The following CLIP3 variants were observed in gnomAD, a reference collection of about 807,000 sequenced individuals.
CLIP3 encodes CAP-Gly domain containing linker protein 3.
Under a neutral mutation model 59.4 loss-of-function variants are expected in CLIP3, and 15 were observed. The observed-to-expected ratio is 0.25, with a 90% CI of 0.17 to 0.39. The LOEUF is 0.39. CLIP3 is among the 10% of genes least tolerant of loss of function. The probability of loss-of-function intolerance (pLI) is 1.00; values close to 1 mark genes in which losing one functional copy is unlikely to be tolerated. For synonymous variants in CLIP3, 300 were observed against 321.6 expected (o/e 0.93, Z 0.72); for missense variants, 495 against 765.7 (o/e 0.65, Z 4.17).
chr19:36,029,314 A>G (rs1037371982), intron 2 of CLIP3, among the ~76,000 whole-genome samples: 4 of 151,186 alleles, frequency 2.6e-5, no homozygotes, highest in African/African-American at 9.7e-5. Context: ...CTCAAAAAAA[A>G]AAAAAAAAAT....
chr19:36,027,244 G>T lies in CLIP3; in HGVS notation c.194C>A (p.Pro65Gln). ...YAFTFFDPND[P>Q]ACQEILFDPQ... is the part of the protein sequence containing the mutation. ...GTCAAACAGGATCTCCTGGCACGCC[G>T]GGTCATTGGGATCGAAGAAGGTGAA... The change falls in exon 3 of 14, where the codon CCG (proline) becomes CAG (glutamine). Residue 65 changes from proline to glutamine, a missense_variant. Physicochemically the swap from Pro to Gln is moderately conservative, Grantham distance 76. Transcript: ENST00000360535. 1 of 1,610,554 alleles carries T rather than the reference G, an allele frequency of 6.2e-7. No homozygotes were observed. Among genetic ancestry groups the T allele is most frequent in the Non-Finnish European group, 8.5e-7 (1 of 1,178,362 alleles).
chr19:36,026,903 T>A lies in CLIP3; in HGVS notation c.400+49A>T. On this transcript the variant is annotated intron_variant, in intron 4 of 13. Transcript: ENST00000360535. The surrounding 1 kb of genome is among the most constrained non-coding windows in gnomAD (Gnocchi z 6.3). Reference sequence around the variant, plus strand: ...TGGGTGGTTTTCAGCGTGTTGGGTCTGGGGGCCTAGGCTTTGGGGCTTATG... The same window carrying A: ...TGGGTGGTTTTCAGCGTGTTGGGTCAGGGGGCCTAGGCTTTGGGGCTTATG... 6.6e-7 allele frequency: 1 copy of A among 1,524,990 alleles called. No individual in the cohort carries two copies. Among genetic ancestry groups the A allele is most frequent in the East Asian group, 2.3e-5 (1 of 44,164 alleles). 94.5% of individuals were successfully genotyped at this position (1,524,990 alleles called of 1,614,324 possible).
intron 7 of CLIP3, among the ~76,000 whole-genome samples, chr19:36,022,649 C>T (rs1015907153): frequency 1.3e-5 from 2 of 152,166 alleles, no homozygotes; most frequent in African/African-American, 2.4e-5. Context: ...GGGCCGGGCG[C>T]AGTGGCTTAT....
intron 6 of CLIP3, among the ~76,000 whole-genome samples, 156 bp from the exon 7 acceptor site, chr19:36,024,788 G>A (rs916526731): frequency 2.6e-5 from 4 of 152,190 alleles, no homozygotes; most frequent in Admixed American, 6.5e-5. Flanking sequence ...AGGGCAAGGC[G>A]GGGTAAGGTG....
intron 6 of CLIP3, among the ~76,000 whole-genome samples, chr19:36,025,053 G>T (rs1461154926): frequency 2.0e-5 from 3 of 148,748 alleles, no homozygotes; most frequent in Admixed American, 6.7e-5. Flanking sequence ...GTGACAGAGC[G>T]AGACTCCGTC....
intron 2 of CLIP3, among the ~76,000 whole-genome samples, chr19:36,029,187 G>A (rs202227594): frequency 6.6e-6 from 1 of 151,122 alleles, no homozygotes; most frequent in Admixed American, 6.6e-5. Flanking sequence ...GGGCGTGGTG[G>A]TGAGTGCCTG....
chr19:36,024,562 G>T lies in CLIP3; in HGVS notation c.752C>A (p.Ala251Glu). 5.0e-6 allele frequency: 8 copies of T among 1,614,218 alleles called. No individual in the cohort carries two copies. The highest frequency in any genetic ancestry group is 6.8e-6 in the Non-Finnish European group (8 of 1,180,046). ...CCGCAGCTCCTTGGCCACCAGTGCCGCCTCTGCCTTGTCCAGGGACATGTC... is the reference window on the plus strand; with the variant it reads ...CCGCAGCTCCTTGGCCACCAGTGCCTCCTCTGCCTTGTCCAGGGACATGTC... ...PMDMSLDKAE[A>E]ALVAKELRTL... The change falls in exon 7 of 14, where the codon GCG becomes GAG. Residue 251 changes from alanine to glutamate, a missense_variant. By Grantham distance (107) the Ala-to-Glu change is moderately radical (BLOSUM62 -1). Around this residue, in one of 5 missense-constraint regions of CLIP3, gnomAD observed 194 missense variants for 327.8 expected, o/e 0.59. Coordinates refer to ENST00000360535, the MANE Select transcript of CLIP3 (RefSeq NM_015526.3).
rs1202771291 is a variant in CLIP3, at chr19:36,032,589, G to C, written c.-59+135C>G. 2 of 368,980 alleles carry C rather than the reference G, an allele frequency of 5.4e-6. No individual in the cohort carries two copies. Among genetic ancestry groups the C allele is most frequent in the Non-Finnish European group, 4.8e-6 (1 of 207,768 alleles). The allele number at this position is 368,980 out of a possible 1,614,324, so 22.9% of individuals were successfully genotyped here. On this transcript the variant is annotated intron_variant, in intron 1 of 13. Transcript: ENST00000360535. This position sits in a 1 kb window ranked among gnomAD's most constrained non-coding sequence, Gnocchi z 4.3. Reference sequence around the variant, plus strand: ...CGCCCAGCGCCTGCCACCTCCCCCAGGCCCAGCCCCCCATTCTTCTCCTCC... The same window carrying C: ...CGCCCAGCGCCTGCCACCTCCCCCACGCCCAGCCCCCCATTCTTCTCCTCC...
At position 36,026,339 on chromosome 19, in the gene CLIP3, A is replaced by C; in HGVS notation, c.563-74T>G. ...CAGCCCTCCTCCCACCTCGGGGCTC[A>C]TCTCTTAACTTGCAGGTCCCAGAGC... On this transcript the variant is annotated intron_variant, in intron 5 of 13. Coordinates refer to ENST00000360535, the MANE Select transcript of CLIP3 (RefSeq NM_015526.3). The surrounding 1 kb of genome is among the most constrained non-coding windows in gnomAD (Gnocchi z 6.3). 7.4e-7 allele frequency: 1 copy of C among 1,356,236 alleles called. No homozygotes were observed. Among genetic ancestry groups the C allele is most frequent in the Non-Finnish European group, 1.0e-6 (1 of 956,186 alleles). The allele number at this position is 1,356,236 out of a possible 1,614,324, so 84.0% of individuals were successfully genotyped here. A position where few individuals can be genotyped will look rare whatever the true frequency, so the allele number is the denominator to read the frequency against.
At position 36,032,306 on chromosome 19, in the gene CLIP3, C is replaced by T. The variant is rs1969287241; in HGVS notation, c.52G>A (p.Glu18Lys). 3.1e-6 allele frequency: 4 copies of T among 1,283,598 alleles called. No individual in the cohort carries two copies. In the East Asian group the frequency reaches 1.2e-4, roughly 39 times the overall value. 79.5% of individuals were successfully genotyped at this position (1,283,598 alleles called of 1,614,324 possible). A position where few individuals can be genotyped will look rare whatever the true frequency, so the allele number is the denominator to read the frequency against. The change falls in exon 2 of 14, where the codon GAA (glutamate) becomes AAA (lysine). Residue 18 changes from glutamate (E) to lysine (K), a missense_variant. Glu to Lys is a moderately conservative substitution (Grantham distance 56). This residue lies in a region of CLIP3 where 90 missense variants were observed against 105.2 expected (regional missense o/e 0.86). Coordinates refer to ENST00000360535, the MANE Select transcript of CLIP3 (RefSeq NM_015526.3). This position sits in a 1 kb window ranked among gnomAD's most constrained non-coding sequence, Gnocchi z 4.3. ...PMAPPPRGEE[E>K]EEEEEDEPVP... is the part of the protein sequence containing the mutation. Reference sequence around the variant, plus strand: ...GGTTCATCCTCCTCCTCCTCTTCTTCCTCCTCTCCTCGGGGTGGCGGGGCC... The same window carrying T: ...GGTTCATCCTCCTCCTCCTCTTCTTTCTCCTCTCCTCGGGGTGGCGGGGCC...
chr19:36,019,408 G>A (rs1568540379), intron 7 of CLIP3, 102 bp from the exon 8 acceptor site: 1 of 1,408,028 alleles, frequency 7.1e-7, no homozygotes, highest in Non-Finnish European at 9.7e-7. Context: ...GGCCGCCCTG[G>A]GCCCAAACCC....
intron 11 of CLIP3, 33 bp downstream of exon 11, chr19:36,017,622 T>C: frequency 1.2e-6 from 2 of 1,612,726 alleles, no homozygotes; most frequent in Non-Finnish European, 1.7e-6. Flanking sequence ...CTCCAGGTGG[T>C]GCCCTGGGTT....
rs1199413931 is a variant in CLIP3, at chr19:36,015,852, G to T, written c.*306C>A. On this transcript the variant is annotated 3_prime_UTR_variant, in exon 14 of 14. Coordinates refer to ENST00000360535, the MANE Select transcript of CLIP3 (RefSeq NM_015526.3). ...CTGTTGTAATGCATTATGTGGAGAG[G>T]GTCACCATCATTTGGGGTGATATGG... 2.1e-6 allele frequency: 1 copy of T among 472,244 alleles called. No homozygotes were observed. The highest frequency in any genetic ancestry group is 3.9e-6 in the Non-Finnish European group (1 of 256,442). 29.3% of individuals were successfully genotyped at this position (472,244 alleles called of 1,614,324 possible).
chr19:36,016,277 C>T lies in CLIP3; in HGVS notation c.1590-65G>A. 3 of 1,568,688 alleles carry T rather than the reference C, an allele frequency of 1.9e-6. No homozygotes were observed. The South Asian group carries it at 3.4e-5, about 18-fold the overall frequency. On this transcript the variant is annotated intron_variant, in intron 13 of 13. Coordinates refer to ENST00000360535, the MANE Select transcript of CLIP3 (RefSeq NM_015526.3). This position sits in a 1 kb window ranked among gnomAD's most constrained non-coding sequence, Gnocchi z 4.1. The stretch of plus-strand genomic sequence containing the variant: ...AGCGGGGACATCTGCACCCATCACC[C>T]CCAGCCTTTCCCCCAGTGTTTGCTA...
At position 36,024,561 on chromosome 19, in the gene CLIP3, C is replaced by G; in HGVS notation, c.753G>C (p.Ala251=). 6.2e-7 allele frequency: 1 copy of G among 1,614,226 alleles called. No individual in the cohort carries two copies. The highest frequency in any genetic ancestry group is 8.5e-7 in the Non-Finnish European group (1 of 1,180,048). ...PMDMSLDKAE[A]ALVAKELRTL... ...TCCGCAGCTCCTTGGCCACCAGTGC[C>G]GCCTCTGCCTTGTCCAGGGACATGT... The change falls in exon 7 of 14, where the codon GCG becomes GCC. Residue 251 remains alanine (A), a synonymous_variant. Coordinates refer to ENST00000360535, the MANE Select transcript of CLIP3 (RefSeq NM_015526.3).
At position 36,032,274 on chromosome 19, in the gene CLIP3, G is replaced by T; in HGVS notation, c.84C>A (p.Pro28=). Residue 28 remains proline, a synonymous_variant, in exon 2 of 14, where the codon CCC becomes CCA. Coordinates refer to ENST00000360535, the MANE Select transcript of CLIP3 (RefSeq NM_015526.3). This position sits in a 1 kb window ranked among gnomAD's most constrained non-coding sequence, Gnocchi z 4.3. ...EEEEEEDEPV[P]EAPSPTQERR... is the part of the protein sequence containing the mutation. The stretch of plus-strand genomic sequence containing the variant: ...GCTCCTGGGTGGGGCTGGGGGCCTC[G>T]GGGACGGGTTCATCCTCCTCCTCCT... The T allele has an allele frequency of 7.7e-7, 1 of 1,298,848 alleles. No individual in the cohort carries two copies. Among genetic ancestry groups the T allele is most frequent in the East Asian group, 3.0e-5 (1 of 33,472 alleles). The allele number at this position is 1,298,848 out of a possible 1,614,324, so 80.5% of individuals were successfully genotyped here. A position where few individuals can be genotyped will look rare whatever the true frequency, so the allele number is the denominator to read the frequency against.
rs775949864 is a variant in CLIP3 at position 36,026,099 on chromosome 19, G to A, written c.681+48C>T. ...AGAGACCTGCTGGAGGGAAGTGGGG[G>A]AGGAAGGGAGCAGGAGGGTAACGGG... is the stretch of plus-strand genomic sequence containing the variant. On this transcript the variant is annotated intron_variant, in intron 6 of 13. Transcript: ENST00000360535. The surrounding 1 kb of genome is among the most constrained non-coding windows in gnomAD (Gnocchi z 6.3). The A allele has an allele frequency of 1.4e-6, 2 of 1,413,640 alleles. No homozygotes were observed. The highest frequency in any genetic ancestry group is 1.7e-5 in the Admixed American group (1 of 58,388). 87.6% of individuals were successfully genotyped at this position (1,413,640 alleles called of 1,614,324 possible).
chr19:36,019,603 ATTTAT>A (rs1438673523), intron 7 of CLIP3, among the ~76,000 whole-genome samples: 1 of 122,480 alleles, frequency 8.2e-6, no homozygotes, highest in African/African-American at 2.6e-5. Flanking sequence ...TATTTATTTT[ATTTAT>A]TTTTTTTTTT....
chr19:36,031,024 T>TTTTTTTTTTTTTTTTTTTTTTTTTTTTTC (rs1969251111), intron 2 of CLIP3, among the ~76,000 whole-genome samples: 2 of 73,576 alleles, frequency 2.7e-5, no homozygotes, highest in East Asian at 3.7e-4. Flanking sequence ...TTTTTTTTTC[T>TTTTTTTTTTTTTTTTTTTTTTTTTTTTTC]TTTTTTTTTT....
Sources: allele counts gnomAD v4.1 joint callset (sites outside exome capture counted in the v4.1 genomes callset), GRCh38; gene constraint gnomAD v4.1.1; regional missense constraint gnomAD v4.1.1; non-coding constraint Gnocchi (gnomAD v3.1); transcripts MANE v1.5; gene names NCBI Gene and HGNC (gene_info 2026-07-23, HGNC 2026-07-21).